The following RGS6 variants were observed in gnomAD, a reference collection of about 807,000 sequenced individuals.
RGS6 encodes the protein regulator of G protein signaling 6, also known as regulator of G-protein signaling 6.
In RGS6, 30 loss-of-function variants were observed where a neutral mutation model predicts 78.5. The ratio of observed to expected loss-of-function variants is 0.38; its 90% CI spans 0.29 to 0.52. The LOEUF (loss-of-function observed/expected upper bound fraction) is 0.52. Among genes scored for constraint, RGS6 ranks in the 20% least tolerant of loss-of-function variants. The probability of loss-of-function intolerance (pLI) is 0.85; values close to 1 mark genes in which losing one functional copy is unlikely to be tolerated. For missense variants in RGS6, 495 were observed against 609.7 expected, an observed-to-expected ratio of 0.81 and a Z score of 1.98; for synonymous variants, 206 against 206.0, an observed-to-expected ratio of 1.00 and a Z score of 0.00.
intron 3 of RGS6, among the ~76,000 whole-genome samples, chr14:72,361,307 A>AAGAC (rs1411181345): frequency 6.6e-6 from 1 of 152,208 alleles, no homozygotes; most frequent in East Asian, 1.9e-4. Context: ...ATAATAGATC[A>AAGAC]AGACAGAGGC....
chr14:72,475,251 C>T (rs1189334881), intron 10 of RGS6, among the ~76,000 whole-genome samples: 2 of 130,456 alleles, frequency 1.5e-5, no homozygotes, highest in Admixed American at 9.2e-5. Context: ...CAAACTCAAA[C>T]CACCATCTTG....
chr14:72,584,429 TGATAGGGACTG>T, the RGS6 span, among the ~76,000 whole-genome samples: 2 of 152,162 alleles, frequency 1.3e-5, no homozygotes. Context: ...ATGGGTGATG[TGATAGGGACTG>T]GATGGCTACT....
chr14:72,268,704 T>G lies in RGS6; in HGVS notation c.85-83391T>G, dbSNP rs190356120. 6.6e-5 allele frequency among the ~76,000 whole-genome samples: 10 copies of G among 152,266 alleles called. No individual in the cohort carries two copies. In the East Asian group the frequency reaches 1.9e-3, roughly 29 times the overall value. On this transcript the variant is annotated intron_variant, in intron 2 of 17. Coordinates refer to ENST00000553525, the MANE Select transcript of RGS6 (RefSeq NM_001204424.2). ...CTGTGCTGGGAGAGAGAAAGAGACT[T>G]TAGGTGAGAAAGAATGGTTGGGAGA...
chr14:72,367,407 A>G (rs192144672), intron 3 of RGS6, among the ~76,000 whole-genome samples: 16 of 152,188 alleles, frequency 1.1e-4, no homozygotes, highest in Admixed American at 9.2e-4. Flanking sequence ...GATGGATGTC[A>G]TCTCTCCTTC....
At chr14:72,495,316 A>G in intron 13 of RGS6, 54 bp downstream of exon 13, 1 of 1,062,286 alleles carries the variant, frequency 9.4e-7, no homozygotes, top group Non-Finnish European at 1.5e-6. Context: ...AAAATCCATG[A>G]GATCATGAGA....
chr14:72,271,633 C>G (rs1915130), intron 2 of RGS6, among the ~76,000 whole-genome samples: 79,005 of 151,692 alleles, frequency 0.52, 21,204 homozygotes, highest in Non-Finnish European at 0.58. Flanking sequence ...TGTGAGCAGT[C>G]ATTCCAACTC....
At chr14:72,145,413 A>G (rs542130434) in intron 2 of RGS6, among the ~76,000 whole-genome samples, 34 of 152,304 alleles carry the variant, frequency 2.2e-4, no homozygotes, top group Admixed American at 1.6e-3. Flanking sequence ...GGACAGCTTA[A>G]AGGATAGAAA....
At chr14:72,593,559 G>T in the RGS6 span, among the ~76,000 whole-genome samples, 813 of 152,196 alleles carry the variant, frequency 5.3e-3, 12 homozygotes, top group African/African-American at 0.019. Flanking sequence ...TAATTTTTCT[G>T]TATTTTTAGC....
intron 2 of RGS6, among the ~76,000 whole-genome samples, chr14:72,216,798 TC>T: frequency 6.6e-6 from 1 of 152,288 alleles, no homozygotes; most frequent in East Asian, 1.9e-4. Flanking sequence ...CTCTCTGCTT[TC>T]CCCTATGCCT....
the RGS6 span, among the ~76,000 whole-genome samples, chr14:71,892,438 C>A: frequency 6.6e-6 from 1 of 152,218 alleles, no homozygotes; most frequent in Admixed American, 6.5e-5. Flanking sequence ...AGGTCAGCCT[C>A]AACAGGATGC....
At chr14:72,390,999 C>T (rs2152944395) in intron 3 of RGS6, among the ~76,000 whole-genome samples, 1 of 152,260 alleles carries the variant, frequency 6.6e-6, no homozygotes, top group Non-Finnish European at 1.5e-5. Context: ...GTGACCAGAG[C>T]TTACAAGGGT....
chr14:72,568,449 A>G (rs1240690168), downstream of RGS6, among the ~76,000 whole-genome samples: 1 of 152,126 alleles, frequency 6.6e-6, no homozygotes, highest in Non-Finnish European at 1.5e-5. Flanking sequence ...GGCCCCTGAG[A>G]GCTGCCCTTC....
At chr14:72,300,549 C>T (rs564798862) in intron 2 of RGS6, among the ~76,000 whole-genome samples, 5 of 152,260 alleles carry the variant, frequency 3.3e-5, no homozygotes, top group South Asian at 4.1e-4. Flanking sequence ...TTGTTAAACA[C>T]CTGGATTTTT....
At chr14:71,984,313 A>AC (rs1355335098) in intron 2 of RGS6, among the ~76,000 whole-genome samples, 2 of 80,950 alleles carry the variant, frequency 2.5e-5, no homozygotes, top group Non-Finnish European at 5.7e-5. Flanking sequence ...AAAAAAAAAA[A>AC]AAAAAAAAAC....
At chr14:71,946,012 T>C (rs1595027029) in intron 1 of RGS6, among the ~76,000 whole-genome samples, 2 of 152,290 alleles carry the variant, frequency 1.3e-5, no homozygotes, top group East Asian at 3.9e-4. Flanking sequence ...AGCAGGAAGA[T>C]GCCATTATAT....
chr14:72,256,599 A>C (rs925951269), intron 2 of RGS6, among the ~76,000 whole-genome samples: 6 of 152,152 alleles, frequency 3.9e-5, no homozygotes, highest in Non-Finnish European at 7.4e-5. Context: ...TAGTTTTACA[A>C]GGGTGGTTTT....
At chr14:72,536,089 C>A in intron 15 of RGS6, 97 bp from the exon 16 acceptor site, 1 of 954,224 alleles carries the variant, frequency 1.0e-6, no homozygotes, top group African/African-American at 1.6e-5. Context: ...TAGGTTCCTT[C>A]ATCTCCTTCC....
chr14:72,164,397 G>A (rs918091388), intron 2 of RGS6, among the ~76,000 whole-genome samples: 6 of 152,088 alleles, frequency 3.9e-5, no homozygotes, highest in African/African-American at 9.7e-5. Flanking sequence ...AGATGTTCAC[G>A]GCAGCCCTGC....
chr14:72,281,868 G>A (rs74685645), intron 2 of RGS6, among the ~76,000 whole-genome samples: 1,989 of 152,274 alleles, frequency 0.013, 37 homozygotes, highest in African/African-American at 0.041. Flanking sequence ...GCAAGTCCTT[G>A]CAGGCCACAG....
Sources: allele counts gnomAD v4.1 joint callset (sites outside exome capture counted in the v4.1 genomes callset), GRCh38; gene constraint gnomAD v4.1.1; transcripts MANE v1.5; gene names NCBI Gene and HGNC (gene_info 2026-07-23, HGNC 2026-07-21).